The following PATL2 variants were observed in gnomAD, a reference collection of about 807,000 sequenced individuals.
PATL2 encodes the protein protein PAT1 homolog 2.
A neutral mutation model predicts 77.0 loss-of-function variants in PATL2; 73 were observed. That is an observed-to-expected ratio of 0.95 (90% CI 0.78 to 1.15). The LOEUF is 1.15. Ranked by LOEUF, PATL2 falls within the 50% of genes most tolerant of loss-of-function variation. The probability of loss-of-function intolerance (pLI) is 0.00; values close to 1 mark genes in which losing one functional copy is unlikely to be tolerated. For synonymous variants in PATL2, 265 were observed against 257.1 expected, an observed-to-expected ratio of 1.03 and a Z score of -0.29; for missense variants, 618 against 655.4, an observed-to-expected ratio of 0.94 and a Z score of 0.62.
intron 3 of PATL2, among the ~76,000 whole-genome samples, chr15:44,680,870 ATTAG>A (rs758090779): frequency 6.6e-6 from 1 of 152,196 alleles, no homozygotes; most frequent in East Asian, 1.9e-4. Context: ...TATTTGACGT[ATTAG>A]TTCTCTGCAA....
intron 3 of PATL2, among the ~76,000 whole-genome samples, chr15:44,678,283 G>A (rs1869504395): frequency 6.6e-6 from 1 of 152,174 alleles, no homozygotes; most frequent in Admixed American, 6.5e-5. Context: ...TTAGGTTGTT[G>A]TAGAGACTAG....
At chr15:44,671,955 C>T (rs930923698) in intron 9 of PATL2, 60 bp downstream of exon 9, 42 of 1,534,504 alleles carry the variant, frequency 2.7e-5, no homozygotes, top group Middle Eastern at 1.8e-4. Context: ...AGAGCGGGCC[C>T]GGGAGTCCAG....
At position 44,669,153 on chromosome 15, in the gene PATL2, A is replaced by T. The variant is rs1225480214; in HGVS notation, c.1065-14T>A. On this transcript the variant is annotated splice_polypyrimidine_tract_variant and intron_variant, in intron 13 of 17. Coordinates refer to ENST00000682850, the MANE Select transcript of PATL2 (RefSeq NM_001387263.1). The stretch of plus-strand genomic sequence containing the variant: ...TCTGCTGCCTCTCTGCAAGGGAGAG[A>T]GGAGAACATTTTCAGAGCTCTGCAT... 23 of 1,527,132 alleles carry T rather than the reference A, an allele frequency of 1.5e-5. No individual in the cohort carries two copies. Among genetic ancestry groups the T allele is most frequent in the Non-Finnish European group, 1.9e-5 (22 of 1,131,356 alleles). The allele number at this position is 1,527,132 out of a possible 1,614,324, so 94.6% of individuals were successfully genotyped here. A position where few individuals can be genotyped will look rare whatever the true frequency, so the allele number is the denominator to read the frequency against.
At chr15:44,677,356 T>C (rs1392475942) in intron 3 of PATL2, among the ~76,000 whole-genome samples, 1 of 152,156 alleles carries the variant, frequency 6.6e-6, no homozygotes, top group Non-Finnish European at 1.5e-5. Flanking sequence ...CATGTGAGCT[T>C]AAGTCAGCTA....
chr15:44,698,572 T>G (rs2086561430), intron 3 of PATL2, among the ~76,000 whole-genome samples: 1 of 152,122 alleles, frequency 6.6e-6, no homozygotes, highest in Non-Finnish European at 1.5e-5. Flanking sequence ...GAATTCACCC[T>G]TTAATTCACC....
chr15:44,666,874 T>G, intron 16 of PATL2: 1 of 517,852 alleles, frequency 1.9e-6, no homozygotes, highest in Admixed American at 3.7e-5. Context: ...AACGTAGGTC[T>G]TTTTAAAATC....
Position 44,669,322 on chromosome 15 carries a change from T to C in PATL2, c.1022A>G (p.Lys341Arg). 1.9e-6 allele frequency: 3 copies of C among 1,551,630 alleles called. No homozygotes were observed. Among genetic ancestry groups the C allele is most frequent in the Non-Finnish European group, 8.7e-7 (1 of 1,146,954 alleles). The change falls in exon 13 of 18, where the codon AAG becomes AGG. Residue 341 changes from lysine (K) to arginine (R), a missense_variant. Transcript: ENST00000682850. The part of the protein sequence containing the change: ...FSEQQSNQVE[K>R]LFQTLKTQEQ... ...CTGGGTCTTTAAGGTCTGGAAGAGC[T>C]TCTCAACCTGGTTGCTTTGCTGCTC...
At chr15:44,666,033 T>A in intron 17 of PATL2, 62 bp from the exon 18 acceptor site, 6 of 1,394,886 alleles carry the variant, frequency 4.3e-6, no homozygotes, top group Non-Finnish European at 5.9e-6. Flanking sequence ...TTATATGATT[T>A]AATTAGTATC....
intron 3 of PATL2, among the ~76,000 whole-genome samples, chr15:44,691,561 G>A (rs1192607847): frequency 2.6e-5 from 4 of 151,864 alleles, no homozygotes; most frequent in Admixed American, 6.6e-5. Context: ...GGGAGGCTGA[G>A]GCACAAGAAT....
rs1339981553 is a variant in PATL2 at position 44,676,274 on chromosome 15, G to T, written c.16+201C>A. On this transcript the variant is annotated intron_variant, in intron 4 of 17. Coordinates refer to ENST00000682850, the MANE Select transcript of PATL2 (RefSeq NM_001387263.1). The stretch of plus-strand genomic sequence containing the variant: ...TAATATGAGGCTGTCCTGGGTTGTT[G>T]TTGATAATTTTACTAGGTTGGTGAG... 20 of 599,130 alleles carry T rather than the reference G, an allele frequency of 3.3e-5. No homozygotes were observed. The East Asian group carries it at 3.5e-4, about 11-fold the overall frequency. The allele number at this position is 599,130 out of a possible 1,614,324, so 37.1% of individuals were successfully genotyped here.
intron 3 of PATL2, among the ~76,000 whole-genome samples, chr15:44,707,762 C>A (rs375808542): frequency 6.6e-6 from 1 of 152,326 alleles, no homozygotes; most frequent in East Asian, 1.9e-4. Context: ...GTGTGCCCCC[C>A]ACATTCACTG....
intron 3 of PATL2, among the ~76,000 whole-genome samples, chr15:44,686,793 T>C (rs1172758338): frequency 1.3e-5 from 2 of 152,078 alleles, no homozygotes; most frequent in Non-Finnish European, 2.9e-5. Flanking sequence ...GCAAATAAAC[T>C]AGAAAATCTA....
Position 44,669,553 on chromosome 15 carries a change from G to T in PATL2, c.887C>A (p.Ala296Asp). The change falls in exon 12 of 18, where the codon GCT (alanine) becomes GAT (aspartate). Residue 296 changes from alanine (A) to aspartate (D), a missense_variant. Ala to Asp is a moderately radical substitution (Grantham distance 126). Transcript: ENST00000682850. ...TACCCGAAGCCTCTGACTGCTTGCA[G>T]CTTCTATATCCTAGGAGAAGGGAGT... ...PHGTQEQDIEAASSQRLRVLY... is the reference protein window; with the variant it reads ...PHGTQEQDIEDASSQRLRVLY... 1 of 1,551,226 alleles carries T rather than the reference G, an allele frequency of 6.4e-7. No individual in the cohort carries two copies.
intron 5 of PATL2, chr15:44,674,877 T>G (rs2085877095): frequency 1.3e-5 from 2 of 152,192 alleles, no homozygotes; most frequent in Non-Finnish European, 2.9e-5. Flanking sequence ...CCAGTTTAAT[T>G]TAAGAATTAG....
At chr15:44,679,332 G>A (rs1400647302) in intron 3 of PATL2, among the ~76,000 whole-genome samples, 1 of 151,806 alleles carries the variant, frequency 6.6e-6, no homozygotes, top group East Asian at 1.9e-4. Flanking sequence ...CTGGGATCAA[G>A]CAATTGTCCT....
At chr15:44,667,593 G>A (rs1048953430) in intron 15 of PATL2, among the ~76,000 whole-genome samples, 1 of 152,198 alleles carries the variant, frequency 6.6e-6, no homozygotes, top group Admixed American at 6.5e-5. Flanking sequence ...TATTAGAAGA[G>A]AGCATCAAAA....
At chr15:44,693,616 G>A (rs2086441343) in intron 3 of PATL2, among the ~76,000 whole-genome samples, 1 of 152,016 alleles carries the variant, frequency 6.6e-6, no homozygotes, top group Non-Finnish European at 1.5e-5. Context: ...GTAAAGTAAT[G>A]TTTCTGCAGG....
rs553995952 is a variant in PATL2, at chr15:44,691,146, C to A, written c.-75-14581G>T. Among the ~76,000 whole-genome samples the A allele has an allele frequency of 1.6e-3, 239 of 151,872 alleles. 2 individuals are homozygous for A. Among genetic ancestry groups the A allele is most frequent in the African/African-American group, 5.6e-3 (233 of 41,440 alleles). On this transcript the variant is annotated intron_variant, in intron 3 of 17. Transcript: ENST00000682850. ...TTAAAATATATTTGGTTATAAAAAACTCAAAAATGTTATTGTTTTTCAAAA... is the reference window on the plus strand; with the variant it reads ...TTAAAATATATTTGGTTATAAAAAAATCAAAAATGTTATTGTTTTTCAAAA...
chr15:44,675,220 G>T, intron 5 of PATL2: 1 of 426,336 alleles, frequency 2.3e-6, no homozygotes, highest in Non-Finnish European at 4.2e-6. Context: ...CACCTTTAAC[G>T]CTAGTAGCAG....
Sources: allele counts gnomAD v4.1 joint callset (sites outside exome capture counted in the v4.1 genomes callset), GRCh38; gene constraint gnomAD v4.1.1; transcripts MANE v1.5; gene names NCBI Gene and HGNC (gene_info 2026-07-23, HGNC 2026-07-21).